RSPO2: variants seen among roughly 807,000 people sequenced by gnomAD.
RSPO2 encodes R-spondin 2, also known as R-spondin-2.
In RSPO2, 14 loss-of-function variants were observed where a neutral mutation model predicts 30.9. That is an observed-to-expected ratio of 0.45 (90% CI 0.30 to 0.71). RSPO2 has a LOEUF of 0.71. Ranked by LOEUF, RSPO2 falls within the 30% of genes least tolerant of loss-of-function variation. RSPO2 has a pLI of 0.08. For synonymous variants in RSPO2, 107 were observed against 96.4 expected (o/e 1.11, Z -0.64); for missense variants, 264 against 301.9 (o/e 0.87, Z 0.93).
intron 2 of RSPO2, among the ~76,000 whole-genome samples, chr8:107,992,575 A>G (rs1407605530): frequency 6.6e-6 from 1 of 152,182 alleles, no homozygotes; most frequent in African/African-American, 2.4e-5. Flanking sequence ...TAAAAAAGGA[A>G]TAAAACACAC....
At chr8:108,014,704 G>A (rs1438850279) in intron 2 of RSPO2, among the ~76,000 whole-genome samples, 1 of 152,010 alleles carries the variant, frequency 6.6e-6, no homozygotes, top group African/African-American at 2.4e-5. Flanking sequence ...GGTGGTGGGG[G>A]GGCTAGGGGA....
Position 107,942,345 on chromosome 8 carries a change from A to G in RSPO2, c.616+15735T>C, listed in dbSNP as rs1343963183. Among the ~76,000 whole-genome samples, 4 of 152,204 alleles carry G rather than the reference A, an allele frequency of 2.6e-5. No homozygotes were observed. The East Asian group carries it at 7.7e-4, about 29-fold the overall frequency. On this transcript the variant is annotated intron_variant, in intron 5 of 5. Transcript: ENST00000276659. Reference sequence around the variant, plus strand: ...CATTTTAAAAACCATTTGCAGTGCTATGATCTAATGCCCACGCCTCTTGAA... The same window carrying G: ...CATTTTAAAAACCATTTGCAGTGCTGTGATCTAATGCCCACGCCTCTTGAA...
Position 107,962,093 on chromosome 8 carries a change from T to C in RSPO2, c.284-1276A>G, listed in dbSNP as rs76163072. Among the ~76,000 whole-genome samples, 308 of 152,346 alleles carry C rather than the reference T, an allele frequency of 2.0e-3. 3 individuals carry two copies. Among genetic ancestry groups the C allele is most frequent in the African/African-American group, 7.0e-3 (290 of 41,598 alleles). On this transcript the variant is annotated intron_variant, in intron 3 of 5. Coordinates refer to ENST00000276659, the MANE Select transcript of RSPO2 (RefSeq NM_178565.5). ...ACGCAATTGACAGCACGTAAAGTGC[T>C]ATGAAAACTCTGTGACATCACATGT...
At chr8:108,028,705 C>A (rs1431143242) in intron 2 of RSPO2, among the ~76,000 whole-genome samples, 1 of 152,184 alleles carries the variant, frequency 6.6e-6, no homozygotes, top group African/African-American at 2.4e-5. Flanking sequence ...CTGGAACAGC[C>A]TATCTCATAT....
chr8:108,056,900 T>C (rs2130692199), intron 2 of RSPO2, among the ~76,000 whole-genome samples: 1 of 149,308 alleles, frequency 6.7e-6, no homozygotes, highest in South Asian at 2.1e-4. Flanking sequence ...TACCAAAAAA[T>C]ACAAAAATTA....
intron 2 of RSPO2, among the ~76,000 whole-genome samples, chr8:107,989,793 A>G (rs1814784311): frequency 6.6e-6 from 1 of 152,228 alleles, no homozygotes; most frequent in Non-Finnish European, 1.5e-5. Flanking sequence ...GATGTTGACA[A>G]GTTAAAATAA....
intron 5 of RSPO2, among the ~76,000 whole-genome samples, chr8:107,951,732 A>G (rs984538300): frequency 1.3e-5 from 2 of 152,054 alleles, no homozygotes; most frequent in Non-Finnish European, 2.9e-5. Flanking sequence ...GAGTTCACTC[A>G]CTCCCGGCCC....
intron 2 of RSPO2, among the ~76,000 whole-genome samples, chr8:108,002,561 G>T (rs1451063638): frequency 6.6e-6 from 1 of 152,162 alleles, no homozygotes; most frequent in African/African-American, 2.4e-5. Context: ...CCGTGTTTAA[G>T]TTATTCAATT....
chr8:107,943,222 C>T (rs751282292), intron 5 of RSPO2, among the ~76,000 whole-genome samples: 9 of 152,192 alleles, frequency 5.9e-5, no homozygotes, highest in East Asian at 3.9e-4. Flanking sequence ...TGCGTGCGCG[C>T]GCACACACAG....
chr8:107,937,023 T>C (rs1812741191), intron 5 of RSPO2, among the ~76,000 whole-genome samples: 1 of 152,146 alleles, frequency 6.6e-6, no homozygotes, highest in African/African-American at 2.4e-5. Flanking sequence ...TTTGTTATAG[T>C]TGTCTGTACT....
intron 5 of RSPO2, among the ~76,000 whole-genome samples, chr8:107,903,989 G>A (rs192668796): frequency 2.0e-5 from 3 of 151,534 alleles, no homozygotes; most frequent in African/African-American, 7.2e-5. Flanking sequence ...ATACAGAAAG[G>A]GTCTTTCATA....
At chr8:108,082,322 A>AGCTCCCAGCGCGTCTCGCTCCG (rs1333911555) in intron 2 of RSPO2, among the ~76,000 whole-genome samples, 19 of 152,152 alleles carry the variant, frequency 1.2e-4, no homozygotes, top group African/African-American at 4.6e-4. Context: ...CGGCTCGCCG[A>AGCTCCCAGCGCGTCTCGCTCCG]GCTCCCAGCG....
intron 3 of RSPO2, among the ~76,000 whole-genome samples, chr8:107,975,132 A>G (rs1446020972): frequency 6.6e-6 from 1 of 152,244 alleles, no homozygotes; most frequent in African/African-American, 2.4e-5. Context: ...ATAGTGGCCT[A>G]TCAGGTTGTT....
In RSPO2 at chr8:107,984,138, C is replaced by T. The variant is rs188604836; in HGVS notation, c.283+4918G>A. ...CTTGGGAAACAGTCACTGTGAAATG[C>T]GCAGCATATCTCATTCACTCACTTG... On this transcript the variant is annotated intron_variant, in intron 3 of 5. Coordinates refer to ENST00000276659, the MANE Select transcript of RSPO2 (RefSeq NM_178565.5). 6.7e-4 allele frequency among the ~76,000 whole-genome samples: 102 copies of T among 152,338 alleles called. 1 individual carries two copies. Among genetic ancestry groups the T allele is most frequent in the Non-Finnish European group, 9.8e-4 (67 of 68,032 alleles).
chr8:107,979,118 T>C (rs986250243), intron 3 of RSPO2, among the ~76,000 whole-genome samples: 21 of 152,202 alleles, frequency 1.4e-4, no homozygotes, highest in Admixed American at 9.8e-4. Context: ...TGGAAGTCAG[T>C]GTGGTGATTC....
At chr8:108,057,055 CAAAAAAAAAAAAAAAAAAAAAAAA>C (rs56727719) in intron 2 of RSPO2, among the ~76,000 whole-genome samples, 1 of 36,070 alleles carries the variant, frequency 2.8e-5, no homozygotes, top group Non-Finnish European at 5.0e-5. Flanking sequence ...GACTCTGTCT[CAAAAAAAAAAAAAAAAAAAAAAAA>C]AAAAAAAAAA....
intron 2 of RSPO2, chr8:108,073,232 G>C (rs1812912301): frequency 6.6e-6 from 1 of 152,348 alleles, no homozygotes; most frequent in Admixed American, 6.5e-5. Context: ...GTGTCCATGG[G>C]GGGAGCAGAG....
At chr8:108,075,200 G>C (rs1812972615) in intron 2 of RSPO2, among the ~76,000 whole-genome samples, 1 of 152,168 alleles carries the variant, frequency 6.6e-6, no homozygotes, top group African/African-American at 2.4e-5. Flanking sequence ...TGGGTTACCA[G>C]CCGGGCACGG....
At chr8:107,924,614 T>C (rs1812292839) in intron 5 of RSPO2, among the ~76,000 whole-genome samples, 1 of 152,012 alleles carries the variant, frequency 6.6e-6, no homozygotes, top group South Asian at 2.1e-4. Flanking sequence ...TTATTATTAA[T>C]GTATAGTAAT....
Sources: gnomAD v4.1 joint callset for allele counts (sites outside exome capture counted in the v4.1 genomes callset) on GRCh38, gnomAD v4.1.1 for gene constraint, MANE v1.5 for transcripts, NCBI Gene and HGNC (gene_info 2026-07-23, HGNC 2026-07-21) for gene names.